Variants in KCTD2 observed in about 807,000 individuals in gnomAD.
KCTD2 encodes the protein BTB/POZ domain-containing protein KCTD2.
A neutral mutation model predicts 27.9 loss-of-function variants in KCTD2; 18 were observed. The observed-to-expected ratio is 0.64, with a 90% CI of 0.45 to 0.96. The LOEUF (loss-of-function observed/expected upper bound fraction) is 0.96, where lower values mean the gene tolerates loss of function less well. Among genes scored for constraint, KCTD2 ranks in the 40% least tolerant of loss-of-function variants. KCTD2 has a pLI of 0.00. For synonymous variants in KCTD2, 175 were observed against 148.4 expected, an observed-to-expected ratio of 1.18 and a Z score of -1.30; for missense variants, 280 against 348.0, an observed-to-expected ratio of 0.80 and a Z score of 1.56.
chr17:75,044,395 C>T (rs1175047135), upstream of KCTD2, among the ~76,000 whole-genome samples: 6 of 112,908 alleles, frequency 5.3e-5, no homozygotes, highest in Non-Finnish European at 3.1e-5. Flanking sequence ...TTAGTAGAGA[C>T]GGGGTTTCAC....
chr17:75,041,810 G>A (rs541255786), intron 3 of KCTD2: 26 of 167,212 alleles, frequency 1.6e-4, no homozygotes, highest in Admixed American at 5.7e-4. Context: ...GGGCTGTAGC[G>A]CGTTATGCCG....
chr17:75,058,759 C>T (rs948662854), intron 3 of KCTD2, among the ~76,000 whole-genome samples: 7 of 151,192 alleles, frequency 4.6e-5, no homozygotes, highest in African/African-American at 4.9e-5. Context: ...GATCGCGCCA[C>T]TGTACTCCAG....
rs1318240261 is a variant in KCTD2 at position 75,055,716 on chromosome 17, C to T, written c.540+2611C>T. Among the ~76,000 whole-genome samples the T allele has an allele frequency of 5.9e-5, 9 of 152,214 alleles. No homozygotes were observed. In the East Asian group the frequency reaches 1.7e-3, roughly 29 times the overall value. ...GGGTGGTGGCACATGCCTGTAATCC[C>T]AGCTACTTGGGAGGCTGAGGCAGGA... On this transcript the variant is annotated intron_variant, in intron 3 of 5. Coordinates refer to ENST00000322444, the MANE Select transcript of KCTD2 (RefSeq NM_015353.3).
chr17:75,048,448 G>A (rs565879335), intron 1 of KCTD2, among the ~76,000 whole-genome samples: 29 of 152,238 alleles, frequency 1.9e-4, no homozygotes, highest in African/African-American at 6.7e-4. Flanking sequence ...CTGGAGTTGC[G>A]TAAACATTTG....
intron 1 of KCTD2, among the ~76,000 whole-genome samples, chr17:75,033,804 A>C (rs2040085907): frequency 1.3e-5 from 2 of 152,214 alleles, no homozygotes; most frequent in African/African-American, 4.8e-5. Flanking sequence ...TGCGCGCGGC[A>C]GGGACGGACC....
At chr17:75,054,452 A>G (rs1400181322) in intron 3 of KCTD2, among the ~76,000 whole-genome samples, 1 of 152,190 alleles carries the variant, frequency 6.6e-6, no homozygotes, top group Non-Finnish European at 1.5e-5. Flanking sequence ...TTGAATGGCC[A>G]TAATAGCTTC....
At chr17:75,053,858 CTTTTTT>C (rs71159419) in intron 3 of KCTD2, among the ~76,000 whole-genome samples, 49 of 59,314 alleles carry the variant, frequency 8.3e-4, no homozygotes, top group African/African-American at 4.2e-3. Context: ...GTGAACCATG[CTTTTTT>C]TTTTTTTTTT....
At chr17:75,054,427 A>G (rs2073327941) in intron 3 of KCTD2, among the ~76,000 whole-genome samples, 1 of 152,120 alleles carries the variant, frequency 6.6e-6, no homozygotes, top group Non-Finnish European at 1.5e-5. Flanking sequence ...CATTCGTCAT[A>G]TGTTTGTCGT....
At chr17:75,059,870 G>A (rs905654062) in intron 4 of KCTD2, among the ~76,000 whole-genome samples, 1 of 152,204 alleles carries the variant, frequency 6.6e-6, no homozygotes, top group Admixed American at 6.5e-5. Flanking sequence ...GGCTTGAAGT[G>A]CCTCAAAGCC....
chr17:75,055,610 G>T (rs1302934562), intron 3 of KCTD2, among the ~76,000 whole-genome samples: 1 of 151,596 alleles, frequency 6.6e-6, no homozygotes, highest in Non-Finnish European at 1.5e-5. Context: ...GAGGCAGGTG[G>T]ATCACCTGAG....
intron 4 of KCTD2, among the ~76,000 whole-genome samples, chr17:75,059,925 A>G (rs1228881956): frequency 6.6e-6 from 1 of 152,190 alleles, no homozygotes; most frequent in Non-Finnish European, 1.5e-5. Context: ...GAGTCCCTAA[A>G]GGAGACTGGG....
rs995870500 is a variant in KCTD2 at position 75,060,609 on chromosome 17, C to T, written c.636+1004C>T. ...GCCGGCGCCGGCCTCCCCGCTCTGGCTCGCCAGGTTCATGGCTGGGCGCGT... is the reference window on the plus strand; with the variant it reads ...GCCGGCGCCGGCCTCCCCGCTCTGGTTCGCCAGGTTCATGGCTGGGCGCGT... On this transcript the variant is annotated intron_variant, in intron 4 of 5. Transcript: ENST00000322444. 9 of 1,602,404 alleles carry T rather than the reference C, an allele frequency of 5.6e-6. No individual in the cohort carries two copies. In the African/African-American group the frequency reaches 1.2e-4, roughly 21 times the overall value.
At chr17:75,037,345 G>GAAAAAAAAAAAAAAAA (rs56310455) in intron 3 of KCTD2, among the ~76,000 whole-genome samples, 1 of 84,706 alleles carries the variant, frequency 1.2e-5, no homozygotes, top group Non-Finnish European at 2.7e-5. Context: ...TTCCATATCA[G>GAAAAAAAAAAAAAAAA]AAAAAAAAAA....
chr17:75,040,122 A>C (rs770777319), intron 3 of KCTD2: 127 of 1,613,058 alleles, frequency 7.9e-5, no homozygotes, highest in Non-Finnish European at 1.0e-4. Context: ...CCACCTGGGC[A>C]GTATATTTAT....
At chr17:75,061,890 G>C (rs1047496639) in intron 4 of KCTD2, among the ~76,000 whole-genome samples, 3 of 152,090 alleles carry the variant, frequency 2.0e-5, no homozygotes, top group African/African-American at 7.2e-5. Flanking sequence ...GCTTGGGTGA[G>C]GGGACAGTGG....
chr17:75,049,360 A>G (rs373972881), intron 2 of KCTD2, 32 bp downstream of exon 2: 10 of 1,273,292 alleles, frequency 7.9e-6, no homozygotes, highest in Middle Eastern at 1.9e-4. Context: ...GGGATTTTCA[A>G]AATGCAAGTA....
intron 3 of KCTD2, among the ~76,000 whole-genome samples, chr17:75,056,358 A>G (rs1277992980): frequency 6.6e-6 from 1 of 152,236 alleles, no homozygotes; most frequent in Non-Finnish European, 1.5e-5. Flanking sequence ...CCTTATCCTC[A>G]GTTTCCCACA....
At chr17:75,048,725 G>C (rs2073254460) in intron 1 of KCTD2, 1 of 153,102 alleles carries the variant, frequency 6.5e-6, no homozygotes, top group South Asian at 2.0e-4. Flanking sequence ...AGCTGGCAGT[G>C]CAAACTCCCA....
upstream of KCTD2, among the ~76,000 whole-genome samples, chr17:75,046,071 T>C (rs1043242171): frequency 6.6e-6 from 1 of 152,214 alleles, no homozygotes; most frequent in African/African-American, 2.4e-5. Context: ...AAAATGGAAG[T>C]CACAAATAAC....
Sources: allele counts gnomAD v4.1 joint callset (sites outside exome capture counted in the v4.1 genomes callset), GRCh38; gene constraint gnomAD v4.1.1; transcripts MANE v1.5; gene names NCBI Gene and HGNC (gene_info 2026-07-23, HGNC 2026-07-21).